Variants in C9orf152 observed in about 807,000 individuals in gnomAD.
The protein encoded by C9orf152 is uncharacterized protein C9orf152.
Under a neutral mutation model 8.5 loss-of-function variants are expected in C9orf152, and 8 were observed. That is an observed-to-expected ratio of 0.94 (90% confidence interval 0.55 to 1.70). The LOEUF (loss-of-function observed/expected upper bound fraction) is 1.70. Among genes scored for constraint, C9orf152 ranks in the 40% most tolerant of loss-of-function variants. The pLI is 0.00. For synonymous variants in C9orf152, 109 were observed against 113.0 expected (o/e 0.96, Z 0.22); for missense variants, 293 against 286.2 (o/e 1.02, Z -0.17).
At chr9:110,203,166 T>C (rs985516093) in intron 1 of C9orf152, among the ~76,000 whole-genome samples, 3 of 151,880 alleles carry the variant, frequency 2.0e-5, no homozygotes, top group Non-Finnish European at 2.9e-5. Context: ...GGTCTATAGG[T>C]GCCAGCCACC....
In C9orf152 at chr9:110,201,010, G is replaced by C. The variant is rs1837210209; in HGVS notation, c.658C>G (p.Gln220Glu). Residue 220 changes from glutamine (Q) to glutamate (E), a missense_variant, in exon 2 of 2, where the codon CAG becomes GAG. Transcript: ENST00000400613. ...TGGGAGATCCTGGGTGTTTTCCTCT[G>C]GGGAAATGGATAGTAAGCTGGTTTG... Reference protein sequence around the residue: ...SGKPAYYPFPQRKTPRISQAA... With the variant: ...SGKPAYYPFPERKTPRISQAA... 6.2e-7 allele frequency: 1 copy of C among 1,614,136 alleles called. No individual in the cohort carries two copies. The highest frequency in any genetic ancestry group is 2.2e-5 in the East Asian group (1 of 44,884).
In C9orf152 at chr9:110,205,791, G is replaced by A. The variant is rs116932802; in HGVS notation, c.193+1596C>T. Among the ~76,000 whole-genome samples, 5 of 152,270 alleles carry A rather than the reference G, an allele frequency of 3.3e-5. No individual in the cohort carries two copies. The East Asian group carries it at 9.7e-4, about 29-fold the overall frequency. On this transcript the variant is annotated intron_variant, in intron 1 of 1. Coordinates refer to ENST00000400613, the MANE Select transcript of C9orf152 (RefSeq NM_001012993.3). ...AGAATGTGGAACTCAGCCAAGTATG[G>A]TGGTTCACGCCCAGCACTTTTGAAG...
chr9:110,201,962 A>G (rs1366582010), intron 1 of C9orf152, among the ~76,000 whole-genome samples: 1 of 152,204 alleles, frequency 6.6e-6, no homozygotes, highest in African/African-American at 2.4e-5. Context: ...GGGCTAAAAG[A>G]AAGGCAAGGA....
At chr9:110,205,495 C>T (rs1013711019) in intron 1 of C9orf152, among the ~76,000 whole-genome samples, 8 of 152,328 alleles carry the variant, frequency 5.3e-5, no homozygotes, top group South Asian at 2.1e-4. Context: ...ATGTGACATA[C>T]GTGATCTTGT....
intron 1 of C9orf152, among the ~76,000 whole-genome samples, chr9:110,201,739 ATTAT>A (rs1194336369): frequency 6.6e-6 from 1 of 152,190 alleles, no homozygotes; most frequent in Non-Finnish European, 1.5e-5. Context: ...TGTGCCAGGC[ATTAT>A]TTATTCTAGG....
intron 1 of C9orf152, among the ~76,000 whole-genome samples, chr9:110,202,207 A>G (rs1184379746): frequency 6.6e-6 from 1 of 152,094 alleles, no homozygotes; most frequent in Non-Finnish European, 1.5e-5. Context: ...CAGCCTCCTG[A>G]GTAGCTGGGA....
intron 1 of C9orf152, among the ~76,000 whole-genome samples, chr9:110,204,164 C>T (rs1043000222): frequency 1.4e-4 from 21 of 152,156 alleles, no homozygotes; most frequent in African/African-American, 3.9e-4. Context: ...CTACATGAGG[C>T]GAGTCACACA....
chr9:110,204,178 TCTGA>T (rs1837250401), intron 1 of C9orf152, among the ~76,000 whole-genome samples: 1 of 152,200 alleles, frequency 6.6e-6, no homozygotes, highest in African/African-American at 2.4e-5. Flanking sequence ...TCACACAGTG[TCTGA>T]CTGTGACAAA....
In C9orf152 at chr9:110,207,520, G is replaced by A; in HGVS notation, c.60C>T (p.His20=). Residue 20 remains histidine (H), a synonymous_variant, in exon 1 of 2, where the codon CAC becomes CAT. Coordinates refer to ENST00000400613, the MANE Select transcript of C9orf152 (RefSeq NM_001012993.3). ...ALPHFWQLRS[H]LMAEGSRTQA... ...GAGTCCTGGAGCCCTCAGCCATTAAGTGAGACCTAAGCTGCCAGAAGTGGG... is the reference window on the plus strand; with the variant it reads ...GAGTCCTGGAGCCCTCAGCCATTAAATGAGACCTAAGCTGCCAGAAGTGGG... The A allele has an allele frequency of 6.2e-7, 1 of 1,611,634 alleles. No homozygotes were observed. The highest frequency in any genetic ancestry group is 8.5e-7 in the Non-Finnish European group (1 of 1,179,022).
chr9:110,202,369 C>CA (rs1452330220), intron 1 of C9orf152, among the ~76,000 whole-genome samples: 4 of 152,208 alleles, frequency 2.6e-5, no homozygotes, highest in Admixed American at 6.5e-5. Context: ...AGGCGTGAGC[C>CA]ACTGCGCTCG....
intron 1 of C9orf152, among the ~76,000 whole-genome samples, chr9:110,202,774 C>T (rs1380746255): frequency 6.6e-6 from 1 of 151,868 alleles, no homozygotes; most frequent in African/African-American, 2.4e-5. Flanking sequence ...CACAGGAGGC[C>T]CTGGAGGTGA....
Position 110,207,669 on chromosome 9 carries a change from G to T in C9orf152, c.-90C>A. 2 of 988,180 alleles carry T rather than the reference G, an allele frequency of 2.0e-6. No homozygotes were observed. The highest frequency in any genetic ancestry group is 2.9e-6 in the Non-Finnish European group (2 of 699,924). 61.2% of individuals were successfully genotyped at this position (988,180 alleles called of 1,614,324 possible). ...AGGGGGCAGTGAGGGAGAAGGAGAA[G>T]TGACGGGCAAAAGGAGGGTGGAAAG... On this transcript the variant is annotated 5_prime_UTR_variant, in exon 1 of 2. Coordinates refer to ENST00000400613, the MANE Select transcript of C9orf152 (RefSeq NM_001012993.3).
intron 1 of C9orf152, 46 bp from the exon 2 acceptor site, chr9:110,201,520 G>T: frequency 1.4e-6 from 2 of 1,478,852 alleles, no homozygotes; most frequent in Non-Finnish European, 1.8e-6. Flanking sequence ...AAGGGACAGG[G>T]GCGGCTCTCA....
At chr9:110,205,324 C>T (rs1007041973) in intron 1 of C9orf152, among the ~76,000 whole-genome samples, 2 of 152,316 alleles carry the variant, frequency 1.3e-5, no homozygotes, top group African/African-American at 4.8e-5. Context: ...ATACCACCAT[C>T]TATCCTGTTG....
chr9:110,203,563 A>G (rs1837244477), intron 1 of C9orf152, among the ~76,000 whole-genome samples: 1 of 152,210 alleles, frequency 6.6e-6, no homozygotes, highest in African/African-American at 2.4e-5. Flanking sequence ...GAGAATCACC[A>G]TGAGCCTTCT....
rs1837210363 is a variant in C9orf152 at position 110,201,015 on chromosome 9, A to C, written c.653T>G (p.Phe218Cys). 2 of 1,614,078 alleles carry C rather than the reference A, an allele frequency of 1.2e-6. No individual in the cohort carries two copies. The highest frequency in any genetic ancestry group is 3.3e-5 in the Admixed American group (2 of 60,012). ...HRSGKPAYYP[F>C]PQRKTPRISQ... ...GATCCTGGGTGTTTTCCTCTGGGGA[A>C]ATGGATAGTAAGCTGGTTTGCCAGA... Residue 218 changes from phenylalanine (F) to cysteine (C), a missense_variant, in exon 2 of 2, where the codon TTT (phenylalanine) becomes TGT (cysteine). Physicochemically the swap from Phe to Cys is radical, Grantham distance 205. Transcript: ENST00000400613.
rs1313962827 is a variant in C9orf152 at position 110,200,358 on chromosome 9, T to A, written c.*590A>T. The A allele has an allele frequency of 6.6e-6, 1 of 152,496 alleles. No individual in the cohort carries two copies. Among genetic ancestry groups the A allele is most frequent in the Non-Finnish European group, 1.5e-5 (1 of 68,290 alleles). The allele number at this position is 152,496 out of a possible 1,614,324, so 9.4% of individuals were successfully genotyped here. A position where few individuals can be genotyped will look rare whatever the true frequency, so the allele number is the denominator to read the frequency against. ...CACAAAATGGTAGGTAGCATTGATCTCACCTTCATACCCTGGGTGACCATA... is the reference window on the plus strand; with the variant it reads ...CACAAAATGGTAGGTAGCATTGATCACACCTTCATACCCTGGGTGACCATA... On this transcript the variant is annotated 3_prime_UTR_variant, in exon 2 of 2. Coordinates refer to ENST00000400613, the MANE Select transcript of C9orf152 (RefSeq NM_001012993.3).
At chr9:110,202,400 T>C (rs916511928) in intron 1 of C9orf152, among the ~76,000 whole-genome samples, 7 of 152,174 alleles carry the variant, frequency 4.6e-5, no homozygotes, top group African/African-American at 1.2e-4. Context: ...GGGATTCTGA[T>C]AGTGAGTTTA....
intron 1 of C9orf152, among the ~76,000 whole-genome samples, chr9:110,201,799 C>G (rs555125727): frequency 6.6e-6 from 1 of 152,170 alleles, no homozygotes; most frequent in Admixed American, 6.5e-5. Flanking sequence ...CCACACCTTC[C>G]GGGGTGTGTC....
Sources: allele counts gnomAD v4.1 joint callset (sites outside exome capture counted in the v4.1 genomes callset), GRCh38; gene constraint gnomAD v4.1.1; transcripts MANE v1.5; gene names NCBI Gene and HGNC (gene_info 2026-07-23, HGNC 2026-07-21).